The following LIN9 variants were observed in gnomAD, a reference collection of about 807,000 sequenced individuals.
LIN9 encodes the protein protein lin-9 homolog.
LIN9 carries 18 observed loss-of-function variants against 78.0 expected under a neutral mutation model. The ratio of observed to expected loss-of-function variants is 0.23; its 90% CI spans 0.16 to 0.34. The LOEUF (loss-of-function observed/expected upper bound fraction) is 0.34, where lower values mean the gene tolerates loss of function less well. Among genes scored for constraint, LIN9 ranks in the 10% least tolerant of loss-of-function variants. The pLI, the probability that LIN9 is intolerant of heterozygous loss-of-function variation, is 1.00. For missense variants in LIN9, 451 were observed against 644.1 expected (o/e 0.70, Z 3.25); for synonymous variants, 192 against 215.2 (o/e 0.89, Z 0.94).
At position 226,287,702 on chromosome 1, in the gene LIN9, T is replaced by C. The variant is rs1346743105; in HGVS notation, c.360A>G (p.Lys120=). ...AATAGAACCACTCGTATATACACCA[T>C]TTATGTGCTTTAGGAAGCTTGAGCA... ...RNLLKLPKAH[K]WCIYEWFYSN... The change falls in exon 5 of 15, where the codon AAA becomes AAG. Residue 120 remains lysine, a synonymous_variant. Coordinates refer to ENST00000681046, the MANE Select transcript of LIN9 (RefSeq NM_001366245.2). 6.4e-7 allele frequency: 1 copy of C among 1,554,062 alleles called. No individual in the cohort carries two copies. Among genetic ancestry groups the C allele is most frequent in the African/African-American group, 1.4e-5 (1 of 70,034 alleles).
At chr1:226,297,859 G>A (rs749229918) in intron 2 of LIN9, 46 bp from the exon 3 acceptor site, 1 of 1,075,334 alleles carries the variant, frequency 9.3e-7, no homozygotes, top group Non-Finnish European at 1.3e-6. Context: ...TTAGTTCAAA[G>A]GATTTCATAC....
intron 1 of LIN9, among the ~76,000 whole-genome samples, chr1:226,305,620 T>TG (rs932066607): frequency 1.8e-4 from 15 of 81,610 alleles, no homozygotes; most frequent in South Asian, 7.7e-4. Context: ...AAGGGGGGTG[T>TG]GGGGGGGTAG....
Position 226,297,736 on chromosome 1 carries a change from T to C in LIN9, c.142A>G (p.Ser48Gly), listed in dbSNP as rs1456183796. 5 of 1,584,026 alleles carry C rather than the reference T, an allele frequency of 3.2e-6. No homozygotes were observed. The highest frequency in any genetic ancestry group is 4.3e-6 in the Non-Finnish European group (5 of 1,167,900). Residue 48 changes from serine to glycine, a missense_variant, in exon 3 of 15, where the codon AGC becomes GGC. Transcript: ENST00000681046. ...KTPVWKGRNT[S>G]SAVEMPFRNS... ...CTCCTTACCATTTCCACAGCAGAGC[T>C]TGTATTCCTGCCTTTCCAAACAGGT... is the stretch of plus-strand genomic sequence containing the variant.
intron 11 of LIN9, among the ~76,000 whole-genome samples, chr1:226,244,442 TAAATA>T (rs909019610): frequency 1.3e-5 from 2 of 151,802 alleles, no homozygotes; most frequent in African/African-American, 4.8e-5. Flanking sequence ...AAAAAATAAA[TAAATA>T]AAATAAAAAC....
At chr1:226,283,567 G>T (rs1024157298) in intron 6 of LIN9, among the ~76,000 whole-genome samples, 9 of 152,056 alleles carry the variant, frequency 5.9e-5, no homozygotes, top group Admixed American at 5.9e-4. Context: ...TCTGTTTACA[G>T]GCTTTTGTTT....
intron 9 of LIN9, 52 bp downstream of exon 9, chr1:226,266,161 T>A: frequency 7.6e-7 from 1 of 1,312,402 alleles, no homozygotes. Context: ...AAGAACATAG[T>A]TCACCTTCAT....
At position 226,295,865 on chromosome 1, in the gene LIN9, G is replaced by A; in HGVS notation, c.241C>T (p.Gln81Ter). ...ACCTGTGGAACCATTGCAACCCTCT[G>A]GTTTCTTTTAGGTGACCTTGTATTT... ...QINTRSPKRNQRVAMVPQKFT... is the reference protein window; with the variant it reads ...QINTRSPKRN Residue 81 changes from glutamine to a stop codon, truncating the protein, a stop_gained, in exon 4 of 15, where the codon CAG becomes TAG. Coordinates refer to ENST00000681046, the MANE Select transcript of LIN9 (RefSeq NM_001366245.2). LOFTEE classifies it high-confidence loss of function. 1 of 1,611,760 alleles carries A rather than the reference G, an allele frequency of 6.2e-7. No homozygotes were observed. Among genetic ancestry groups the A allele is most frequent in the Non-Finnish European group, 8.5e-7 (1 of 1,179,162 alleles).
At position 226,241,906 on chromosome 1, in the gene LIN9, A is replaced by C. The variant is rs192087360; in HGVS notation, c.1120-2810T>G. Among the ~76,000 whole-genome samples the C allele has an allele frequency of 2.7e-4, 41 of 152,296 alleles. 1 individual carries two copies. The highest frequency in any genetic ancestry group is 8.9e-4 in the African/African-American group (37 of 41,586). On this transcript the variant is annotated intron_variant, in intron 11 of 14. Coordinates refer to ENST00000681046, the MANE Select transcript of LIN9 (RefSeq NM_001366245.2). The stretch of plus-strand genomic sequence containing the variant: ...GATGTAACTAATGAACCATAAAAAA[A>C]ATTCCAACACTAAACAGATATATAC...
At chr1:226,309,478 C>T (rs1180093231), upstream of LIN9, 2 of 1,108,526 alleles carry the variant, frequency 1.8e-6, no homozygotes, top group Middle Eastern at 2.6e-4. Flanking sequence ...GCTCCCGGCG[C>T]ATGTTCCGCG....
intron 4 of LIN9, among the ~76,000 whole-genome samples, chr1:226,294,626 T>C (rs1662015661): frequency 6.6e-6 from 1 of 151,856 alleles, no homozygotes; most frequent in Non-Finnish European, 1.5e-5. Flanking sequence ...GTTGAGAATA[T>C]CACCTCTACC....
At chr1:226,309,626 A>G, upstream of LIN9, 1 of 1,269,392 alleles carries the variant, frequency 7.9e-7, no homozygotes, top group African/African-American at 1.5e-5. Flanking sequence ...AAATACTCAC[A>G]GTTCCCGAAA....
chr1:226,289,834 C>CGGGGGGGG (rs967358215), intron 4 of LIN9, among the ~76,000 whole-genome samples: 2 of 12,082 alleles, frequency 1.7e-4, no homozygotes, highest in South Asian at 3.3e-3. Flanking sequence ...AGTAGTCCTC[C>CGGGGGGGG]GGGGGGGGGG....
intron 11 of LIN9, among the ~76,000 whole-genome samples, chr1:226,249,691 C>T (rs1658708086): frequency 6.6e-6 from 1 of 152,148 alleles, no homozygotes; most frequent in South Asian, 2.1e-4. Flanking sequence ...TCAGTCACAG[C>T]ACTTTGCCCC....
rs192381528 is a variant in LIN9, at chr1:226,288,819, T to G, written c.265-1022A>C. On this transcript the variant is annotated intron_variant, in intron 4 of 14. Transcript: ENST00000681046. ...TCTTAGGTAGTCTCAATGTTACCTA[T>G]ATATATCATTTCCCATAAATTATAA... 1.4e-4 allele frequency among the ~76,000 whole-genome samples: 21 copies of G among 152,348 alleles called. No homozygotes were observed. The East Asian group carries it at 2.3e-3, about 17-fold the overall frequency.
intron 2 of LIN9, among the ~76,000 whole-genome samples, chr1:226,299,483 C>T (rs1445909145): frequency 8.1e-5 from 10 of 123,656 alleles, no homozygotes; most frequent in East Asian, 4.9e-4. Context: ...CCAGCCTGGG[C>T]GACAAACCGA....
At chr1:226,262,489 C>T (rs536344244) in intron 10 of LIN9, among the ~76,000 whole-genome samples, 2 of 152,214 alleles carry the variant, frequency 1.3e-5, no homozygotes, top group Admixed American at 6.5e-5. Flanking sequence ...AGACACCTCA[C>T]CAAAGAAGAT....
At chr1:226,309,402 C>G (rs1381623633), upstream of LIN9, 25 of 992,700 alleles carry the variant, frequency 2.5e-5, no homozygotes, top group Non-Finnish European at 2.9e-5. Context: ...AAGGAGGCCG[C>G]ACGGCGAGGC....
intron 1 of LIN9, among the ~76,000 whole-genome samples, chr1:226,304,148 T>G (rs974784719): frequency 6.6e-6 from 1 of 152,254 alleles, no homozygotes; most frequent in African/African-American, 2.4e-5. Flanking sequence ...ATGCTGTTAG[T>G]ATTATTTTGA....
chr1:226,263,038 A>C (rs1485904722), intron 10 of LIN9, among the ~76,000 whole-genome samples: 2 of 152,220 alleles, frequency 1.3e-5, no homozygotes, highest in East Asian at 3.8e-4. Context: ...CCAATATAAA[A>C]AGGCTATATA....
Sources: gnomAD v4.1 joint callset for allele counts (sites outside exome capture counted in the v4.1 genomes callset) on GRCh38, gnomAD v4.1.1 for gene constraint, MANE v1.5 for transcripts, NCBI Gene and HGNC (gene_info 2026-07-23, HGNC 2026-07-21) for gene names.